The following NOX4 variants were observed in gnomAD, a reference collection of about 807,000 sequenced individuals.
NOX4 encodes the protein kidney oxidase-1.
A neutral mutation model predicts 87.6 loss-of-function variants in NOX4; 69 were observed. The observed-to-expected ratio is 0.79, with a 90% CI of 0.65 to 0.96. The LOEUF is 0.96. Ranked by LOEUF, NOX4 falls within the 40% of genes least tolerant of loss-of-function variation. NOX4 has a pLI of 0.00. For synonymous variants in NOX4, 275 were observed against 238.2 expected, an observed-to-expected ratio of 1.15 and a Z score of -1.42; for missense variants, 680 against 681.5, an observed-to-expected ratio of 1.00 and a Z score of 0.02.
chr11:89,424,488 A>G (rs579497), intron 7 of NOX4, among the ~76,000 whole-genome samples: 89,949 of 151,392 alleles, frequency 0.59, 29,409 homozygotes, highest in African/African-American at 0.87. Flanking sequence ...GTAAATATTG[A>G]TAGAATTAAA....
At chr11:89,365,654 A>T (rs1395854027) in intron 12 of NOX4, among the ~76,000 whole-genome samples, 1 of 150,786 alleles carries the variant, frequency 6.6e-6, no homozygotes, top group Non-Finnish European at 1.5e-5. Context: ...ACTCAGCTCC[A>T]TACTAATTCA....
chr11:89,561,119 C>T, the NOX4 span, among the ~76,000 whole-genome samples: 487 of 132,564 alleles, frequency 3.7e-3, 5 homozygotes, highest in African/African-American at 0.013. Context: ...AGAACCCTAA[C>T]ACAGCAGCTC....
At chr11:89,575,107 C>T in the NOX4 span, among the ~76,000 whole-genome samples, 1 of 151,972 alleles carries the variant, frequency 6.6e-6, no homozygotes, top group Non-Finnish European at 1.5e-5. Flanking sequence ...TGCTTAAACC[C>T]AGGAGTCAGA....
chr11:89,346,058 A>T (rs1946203049), intron 13 of NOX4, among the ~76,000 whole-genome samples: 1 of 152,236 alleles, frequency 6.6e-6, no homozygotes, highest in Non-Finnish European at 1.5e-5. Flanking sequence ...CTCTGCCAAG[A>T]GAACTGATAA....
chr11:89,366,700 GAAA>G (rs11314993), intron 12 of NOX4, among the ~76,000 whole-genome samples: 9 of 113,114 alleles, frequency 8.0e-5, no homozygotes, highest in African/African-American at 1.7e-4. Context: ...AAACTGAAAA[GAAA>G]AAAAAAAAAA....
At chr11:89,359,025 G>A (rs987623456) in intron 12 of NOX4, among the ~76,000 whole-genome samples, 1 of 151,888 alleles carries the variant, frequency 6.6e-6, no homozygotes. Flanking sequence ...ACCAGTAGGA[G>A]ATATATCTTA....
intron 11 of NOX4, among the ~76,000 whole-genome samples, chr11:89,387,477 C>T (rs1940796566): frequency 6.6e-6 from 1 of 152,150 alleles, no homozygotes; most frequent in Non-Finnish European, 1.5e-5. Context: ...TCAGACTCAG[C>T]CTGCCTGTAC....
At chr11:89,397,640 C>T (rs1174491850) in intron 11 of NOX4, among the ~76,000 whole-genome samples, 1 of 152,062 alleles carries the variant, frequency 6.6e-6, no homozygotes, top group Non-Finnish European at 1.5e-5. Flanking sequence ...GATATGACCA[C>T]TGATCCCACA....
chr11:89,536,525 G>A, the NOX4 span, among the ~76,000 whole-genome samples: 5 of 152,074 alleles, frequency 3.3e-5, no homozygotes, highest in African/African-American at 1.2e-4. Flanking sequence ...TATCTAAAGT[G>A]TTGTAGAGCC....
At chr11:89,408,106 A>G (rs1189190343) in intron 8 of NOX4, among the ~76,000 whole-genome samples, 4 of 152,182 alleles carry the variant, frequency 2.6e-5, no homozygotes, top group Admixed American at 1.3e-4. Context: ...TTTAAAATTT[A>G]TTGCAGTTCT....
chr11:89,362,806 C>A (rs1938632477), intron 12 of NOX4, among the ~76,000 whole-genome samples: 1 of 151,974 alleles, frequency 6.6e-6, no homozygotes. Context: ...AATGCAGACA[C>A]ACAATACACA....
At chr11:89,405,974 T>C (rs1942157509) in intron 8 of NOX4, among the ~76,000 whole-genome samples, 1 of 152,046 alleles carries the variant, frequency 6.6e-6, no homozygotes, top group African/African-American at 2.4e-5. Context: ...ATGTATACAT[T>C]GAGCAAAATT....
At chr11:89,409,205 A>G (rs1236497008) in intron 8 of NOX4, among the ~76,000 whole-genome samples, 2 of 152,158 alleles carry the variant, frequency 1.3e-5, no homozygotes, top group Admixed American at 1.3e-4. Context: ...AGAAAGTACT[A>G]TACTGAAAAT....
the NOX4 span, among the ~76,000 whole-genome samples, chr11:89,547,041 A>C: frequency 6.6e-6 from 1 of 152,200 alleles, no homozygotes; most frequent in African/African-American, 2.4e-5. Context: ...AAAGCACATA[A>C]CAAAGTGTCT....
intron 17 of NOX4, among the ~76,000 whole-genome samples, chr11:89,335,253 G>A (rs1447765288): frequency 6.6e-6 from 1 of 151,800 alleles, no homozygotes; most frequent in Non-Finnish European, 1.5e-5. Flanking sequence ...TCTGTGCCCT[G>A]AAATGGAAGC....
At chr11:89,553,674 T>A in the NOX4 span, among the ~76,000 whole-genome samples, 1 of 151,946 alleles carries the variant, frequency 6.6e-6, no homozygotes, top group Admixed American at 6.6e-5. Context: ...TCACAGGCAA[T>A]CCACAAAGAG....
chr11:89,461,413 G>A (rs1036179319), intron 2 of NOX4, among the ~76,000 whole-genome samples: 1 of 152,012 alleles, frequency 6.6e-6, no homozygotes, highest in African/African-American at 2.4e-5. Flanking sequence ...GGGAGGCTAA[G>A]GCTGGCGGAT....
chr11:89,385,623 A>C (rs760510834), intron 11 of NOX4, among the ~76,000 whole-genome samples: 1 of 152,168 alleles, frequency 6.6e-6, no homozygotes, highest in Non-Finnish European at 1.5e-5. Flanking sequence ...CACCATGGAA[A>C]TCTATCCTCA....
At chr11:89,541,800 G>A in the NOX4 span, among the ~76,000 whole-genome samples, 1 of 152,172 alleles carries the variant, frequency 6.6e-6, no homozygotes, top group African/African-American at 2.4e-5. Flanking sequence ...TGTAGCAAGA[G>A]TCTTCAAATT....
Sources: gnomAD v4.1 joint callset for allele counts (sites outside exome capture counted in the v4.1 genomes callset) on GRCh38, gnomAD v4.1.1 for gene constraint, MANE v1.5 for transcripts, NCBI Gene and HGNC (gene_info 2026-07-23, HGNC 2026-07-21) for gene names.